Variants in HDGFL2 observed in about 807,000 individuals in gnomAD.
HDGFL2 encodes hepatoma-derived growth factor-related protein 2.
A neutral mutation model predicts 77.1 loss-of-function variants in HDGFL2; 36 were observed. The observed-to-expected ratio is 0.47, with a 90% CI of 0.36 to 0.62. The LOEUF (loss-of-function observed/expected upper bound fraction) is 0.62. HDGFL2 is among the 20% of genes least tolerant of loss of function. The pLI, the probability that HDGFL2 is intolerant of heterozygous loss-of-function variation, is 0.00. For missense variants in HDGFL2, 976 were observed against 973.4 expected (o/e 1.00, Z -0.04); for synonymous variants, 463 against 413.1 (o/e 1.12, Z -1.46).
intron 6 of HDGFL2, 54 bp downstream of exon 6, chr19:4,491,889 T>C: frequency 6.7e-7 from 1 of 1,500,480 alleles, no homozygotes; most frequent in Admixed American, 1.7e-5. Flanking sequence ...ACCTCTGCGG[T>C]CTCCAGTGCT....
chr19:4,494,467 G>T lies in HDGFL2; in HGVS notation c.1216G>T (p.Glu406Ter). 7.2e-7 allele frequency: 1 copy of T among 1,388,880 alleles called. No individual in the cohort carries two copies. 86.0% of individuals were successfully genotyped at this position (1,388,880 alleles called of 1,614,324 possible). A position where few individuals can be genotyped will look rare whatever the true frequency, so the allele number is the denominator to read the frequency against. The change falls in exon 9 of 16, where the codon GAG (glutamate) becomes TAG (stop). Residue 406 changes from glutamate (E) to a stop codon, truncating the protein, a stop_gained. Transcript: ENST00000616600. LOFTEE classifies it high-confidence loss of function. ...SSDSEPEAEL[E>*]REAKKSAKKP... ...TGACTCCGAGCCCGAGGCCGAGCTG[G>T]AGAGAGAGGTGAGCCGGGAGGGCGC... is the stretch of plus-strand genomic sequence containing the variant.
chr19:4,498,097 G>A lies in HDGFL2; in HGVS notation c.1402+66G>A, dbSNP rs8112865. The A allele has an allele frequency of 0.014, 19,810 of 1,425,106 alleles. 2,220 individuals are homozygous for A. In the African/African-American group the frequency reaches 0.25, roughly 18 times the overall value. The allele number at this position is 1,425,106 out of a possible 1,614,324, so 88.3% of individuals were successfully genotyped here. On this transcript the variant is annotated intron_variant, in intron 11 of 15. Coordinates refer to ENST00000616600, the MANE Select transcript of HDGFL2 (RefSeq NM_001001520.3). ...TGAGGGGAACGGGGACAGCCGTGGC[G>A]TGGCTGGCCTGTCCCGCCTGTCCCT...
At chr19:4,485,590 A>T (rs1019071852) in intron 3 of HDGFL2, among the ~76,000 whole-genome samples, 9 of 151,394 alleles carry the variant, frequency 5.9e-5, no homozygotes, top group Non-Finnish European at 1.2e-4. Flanking sequence ...AATACAAAAA[A>T]AATTAGCCAG....
In HDGFL2 at chr19:4,478,551, C is replaced by G. The variant is rs567084120; in HGVS notation, c.288+2968C>G. Among the ~76,000 whole-genome samples the G allele has an allele frequency of 1.1e-3, 174 of 152,078 alleles. 2 individuals carry two copies. The highest frequency in any genetic ancestry group is 4.0e-3 in the African/African-American group (166 of 41,510). ...GCGCAACTACTAATGCCACCAAGAG[C>G]GGACAGGAAGGCCTGGGTCCCATCC... On this transcript the variant is annotated intron_variant, in intron 3 of 15. Coordinates refer to ENST00000616600, the MANE Select transcript of HDGFL2 (RefSeq NM_001001520.3).
At chr19:4,494,528 G>T in intron 9 of HDGFL2, 53 bp downstream of exon 9, 1 of 1,260,074 alleles carries the variant, frequency 7.9e-7, no homozygotes, top group Non-Finnish European at 1.0e-6. Flanking sequence ...CGTTTATGGA[G>T]CATCTACTAG....
At chr19:4,499,435 G>A in intron 13 of HDGFL2, 56 bp from the exon 14 acceptor site, 2 of 1,544,508 alleles carry the variant, frequency 1.3e-6, no homozygotes, top group Non-Finnish European at 8.8e-7. Flanking sequence ...GGGGTTCAGA[G>A]CCGGGGCTAG....
In HDGFL2 at chr19:4,472,377, C is replaced by T. The variant is rs1381058748; in HGVS notation, c.27C>T (p.Asp9=). Residue 9 remains aspartate, a synonymous_variant, in exon 1 of 16, where the codon GAC becomes GAT. Transcript: ENST00000616600. ...TGCCACACGCCTTCAAGCCCGGGGA[C>T]TTGGTGTTCGCTAAGATGAAGGGCT... The part of the protein sequence containing the change: MPHAFKPG[D]LVFAKMKGYP... 5 of 1,423,888 alleles carry T rather than the reference C, an allele frequency of 3.5e-6. No individual in the cohort carries two copies. The highest frequency in any genetic ancestry group is 4.7e-6 in the Non-Finnish European group (5 of 1,074,166). 88.2% of individuals were successfully genotyped at this position (1,423,888 alleles called of 1,614,324 possible).
intron 10 of HDGFL2, chr19:4,497,517 G>A (rs10422047): frequency 0.013 from 4,075 of 302,882 alleles, 177 homozygotes; most frequent in African/African-American, 0.086. Context: ...CTTTCTAAAT[G>A]GCCTTGAGTG....
Position 4,498,143 on chromosome 19 carries a change from C to T in HDGFL2, c.1402+112C>T, listed in dbSNP as rs143111972. The T allele has an allele frequency of 5.3e-4, 643 of 1,224,562 alleles. 4 individuals carry two copies. In the African/African-American group the frequency reaches 8.4e-3, roughly 16 times the overall value. The allele number at this position is 1,224,562 out of a possible 1,614,324, so 75.9% of individuals were successfully genotyped here. A position where few individuals can be genotyped will look rare whatever the true frequency, so the allele number is the denominator to read the frequency against. On this transcript the variant is annotated intron_variant, in intron 11 of 15. Transcript: ENST00000616600. Reference sequence around the variant, plus strand: ...TCCCTAGAGAGGGTGCTCAGCACATCCTCGGCCGGCCTGGCCGGCGGTGCC... The same window carrying T: ...TCCCTAGAGAGGGTGCTCAGCACATTCTCGGCCGGCCTGGCCGGCGGTGCC...
chr19:4,472,915 C>T (rs950142650), intron 1 of HDGFL2, among the ~76,000 whole-genome samples: 2 of 150,368 alleles, frequency 1.3e-5, no homozygotes, highest in Non-Finnish European at 3.0e-5. Flanking sequence ...GGCCCTGGGC[C>T]TCAGGGGGCC....
rs537790371 is a variant in HDGFL2 at position 4,474,741 on chromosome 19, C to T, written c.73-534C>T. On this transcript the variant is annotated intron_variant, in intron 1 of 15. Transcript: ENST00000616600. ...CCTAGCCCCAAACGTTTCCAAGCACCTGATTGGAAGTGAAGGGGCTGTTAG... is the reference window on the plus strand; with the variant it reads ...CCTAGCCCCAAACGTTTCCAAGCACTTGATTGGAAGTGAAGGGGCTGTTAG... Among the ~76,000 whole-genome samples, 12 of 152,254 alleles carry T rather than the reference C, an allele frequency of 7.9e-5. No homozygotes were observed. The East Asian group carries it at 2.1e-3, about 27-fold the overall frequency.
intron 3 of HDGFL2, among the ~76,000 whole-genome samples, chr19:4,487,518 A>G (rs370146131): frequency 9.2e-5 from 14 of 152,076 alleles, no homozygotes; most frequent in African/African-American, 2.4e-4. Context: ...TGGCCTCGCA[A>G]AGTGCTGGGA....
intron 1 of HDGFL2, chr19:4,474,823 G>A (rs1030973567): frequency 5.5e-6 from 1 of 180,324 alleles, no homozygotes; most frequent in African/African-American, 2.4e-5. Context: ...CAGGGAGAGG[G>A]TGGGACTTCC....
In HDGFL2 at chr19:4,499,589, G is replaced by A. The variant is rs767554317; in HGVS notation, c.1674G>A (p.Val558=). Residue 558 remains valine, a synonymous_variant, in exon 14 of 16, where the codon GTG becomes GTA. Coordinates refer to ENST00000616600, the MANE Select transcript of HDGFL2 (RefSeq NM_001001520.3). ...TCCTCGGCCCAAAGATCGAGGCGGT[G>A]CAGAAAGTGAACAAGGCTGGGATGG... ...SRVLGPKIEA[V]QKVNKAGMEK... is the part of the protein sequence containing the mutation. The A allele has an allele frequency of 1.1e-5, 18 of 1,611,546 alleles. No individual in the cohort carries two copies. The highest frequency in any genetic ancestry group is 1.4e-5 in the Non-Finnish European group (17 of 1,178,992).
Position 4,494,433 on chromosome 19 carries a change from G to C in HDGFL2, c.1182G>C (p.Pro394=). 2 of 1,405,590 alleles carry C rather than the reference G, an allele frequency of 1.4e-6. No homozygotes were observed. The highest frequency in any genetic ancestry group is 1.8e-6 in the Non-Finnish European group (2 of 1,085,206). 87.1% of individuals were successfully genotyped at this position (1,405,590 alleles called of 1,614,324 possible). Residue 394 remains proline, a synonymous_variant, in exon 9 of 16, where the codon CCG becomes CCC. Transcript: ENST00000616600. ...RGRKGRGRGP[P]SSSDSEPEAE... is the part of the protein sequence containing the mutation. ...GCAAGGGCCGGGGCCGGGGTCCCCC[G>C]TCCTCCTCTGACTCCGAGCCCGAGG...
intron 13 of HDGFL2, among the ~76,000 whole-genome samples, chr19:4,499,165 G>C (rs1975787113): frequency 1.3e-5 from 2 of 152,104 alleles, no homozygotes; most frequent in South Asian, 4.2e-4. Context: ...GACCAACATG[G>C]TGAAACCCCA....
At chr19:4,501,822 C>A in intron 15 of HDGFL2, 89 bp from the exon 16 acceptor site, 2 of 954,990 alleles carry the variant, frequency 2.1e-6, no homozygotes, top group Non-Finnish European at 2.9e-6. Context: ...AACGGGGGTA[C>A]ACTCCTCGGT....
rs1193107103 is a variant in HDGFL2, at chr19:4,493,254, C to CTG, written c.679-436_679-435dup. ...GGTATCTGTGTGGTATGTGTGTTGTCTGTGTGTGTGTGTGGTGTGTGTGTT... is the reference window on the plus strand; with the variant it reads ...GGTATCTGTGTGGTATGTGTGTTGTCTGTGTGTGTGTGTGTGGTGTGTGTGTT... On this transcript the variant is annotated intron_variant, in intron 6 of 15. Transcript: ENST00000616600. Among the ~76,000 whole-genome samples, 316 of 89,392 alleles carry CTG rather than the reference C, an allele frequency of 3.5e-3. 1 individual carries two copies. Among genetic ancestry groups the CTG allele is most frequent in the African/African-American group, 0.013 (277 of 20,822 alleles). The allele number at this position is 89,392 out of a possible 152,430, so 58.6% of individuals were successfully genotyped here. A position where few individuals can be genotyped will look rare whatever the true frequency, so the allele number is the denominator to read the frequency against.
At position 4,495,754 on chromosome 19, in the gene HDGFL2, G is replaced by A. The variant is rs528406689; in HGVS notation, c.1225-548G>A. 5.5e-4 allele frequency among the ~76,000 whole-genome samples: 83 copies of A among 152,234 alleles called. 1 individual carries two copies. Among genetic ancestry groups the A allele is most frequent in the African/African-American group, 1.9e-3 (78 of 41,534 alleles). On this transcript the variant is annotated intron_variant, in intron 9 of 15. Coordinates refer to ENST00000616600, the MANE Select transcript of HDGFL2 (RefSeq NM_001001520.3). The stretch of plus-strand genomic sequence containing the variant: ...TGGCTGCCATGGGGTACAGCTTGCA[G>A]GTGAGCGTGGGAGCAGGTAGGAGGC...
Sources: gnomAD v4.1 joint callset for allele counts (sites outside exome capture counted in the v4.1 genomes callset) on GRCh38, gnomAD v4.1.1 for gene constraint, MANE v1.5 for transcripts, NCBI Gene and HGNC (gene_info 2026-07-23, HGNC 2026-07-21) for gene names.